PRAMEF20: variants seen among roughly 807,000 people sequenced by gnomAD.
The protein encoded by PRAMEF20 is PRAME family member 20/21.
Under a neutral mutation model 32.4 loss-of-function variants are expected in PRAMEF20, and 27 were observed. The ratio of observed to expected loss-of-function variants is 0.83; its 90% CI spans 0.61 to 1.15. The LOEUF (loss-of-function observed/expected upper bound fraction) is 1.15, where lower values mean the gene tolerates loss of function less well. PRAMEF20 is among the 50% of genes most tolerant of loss of function. PRAMEF20 has a pLI of 0.00. For synonymous variants in PRAMEF20, 256 were observed against 235.4 expected, an observed-to-expected ratio of 1.09 and a Z score of -0.80; for missense variants, 604 against 584.5, an observed-to-expected ratio of 1.03 and a Z score of -0.34.
At chr1:13,420,579 C>A in intron 2 of PRAMEF20, 118 bp from the exon 4 acceptor site, 1 of 1,375,212 alleles carries the variant, frequency 7.3e-7, no homozygotes, top group Non-Finnish European at 1.0e-6. Context: ...ATCAGACAAT[C>A]AGAATGACCC....
chr1:13,414,069 T>C (rs1350922114), upstream of PRAMEF20, among the ~76,000 whole-genome samples: 6 of 152,024 alleles, frequency 3.9e-5, no homozygotes, highest in Non-Finnish European at 7.4e-5. Flanking sequence ...TGAGAAGGAC[T>C]CTCATTCTGT....
chr1:13,411,160 C>G, the PRAMEF20 span, among the ~76,000 whole-genome samples: 14 of 152,200 alleles, frequency 9.2e-5, no homozygotes, highest in Non-Finnish European at 1.2e-4. Flanking sequence ...TCCCCAGCCT[C>G]TACATAAAAT....
chr1:13,414,070 C>A (rs1439187458), upstream of PRAMEF20, among the ~76,000 whole-genome samples: 1 of 151,988 alleles, frequency 6.6e-6, no homozygotes, highest in Non-Finnish European at 1.5e-5. Context: ...GAGAAGGACT[C>A]TCATTCTGTT....
exon 3 of PRAMEF20, chr1:13,421,031 A>G (rs1343016605): frequency 1.1e-5 from 17 of 1,613,950 alleles, no homozygotes; most frequent in Non-Finnish European, 1.4e-5. Context: ...GCTGTGCCAC[A>G]CAATCAGACT....
At chr1:13,415,412 G>T (rs1185364503), upstream of PRAMEF20, among the ~76,000 whole-genome samples, 3 of 152,114 alleles carry the variant, frequency 2.0e-5, no homozygotes, top group African/African-American at 7.2e-5. Flanking sequence ...TGTGTAAGAA[G>T]TGTGTATGGA....
chr1:13,417,593 ACT>A (rs1195866914), intron 1 of PRAMEF20, among the ~76,000 whole-genome samples: 1 of 149,706 alleles, frequency 6.7e-6, no homozygotes, highest in Non-Finnish European at 1.5e-5. Context: ...ACAGAGGGAG[ACT>A]CTGTCTCAAA....
chr1:13,421,090 T>A (rs1378135002), exon 3 of PRAMEF20: 1 of 1,613,792 alleles, frequency 6.2e-7, no homozygotes, highest in Non-Finnish European at 8.5e-7. Flanking sequence ...AGAGTTATGA[T>A]GTTCGTGGTA....
chr1:13,414,635 GT>G (rs1334478162), upstream of PRAMEF20, among the ~76,000 whole-genome samples: 6 of 146,038 alleles, frequency 4.1e-5, no homozygotes, highest in South Asian at 4.4e-4. Flanking sequence ...ATTTTTGTGG[GT>G]TTTTTTTTAG....
exon 3 of PRAMEF20, chr1:13,420,868 A>C: frequency 6.2e-7 from 1 of 1,613,866 alleles, no homozygotes; most frequent in Non-Finnish European, 8.5e-7. Context: ...TCCTAGAAAA[A>C]GTTGCAGCCA....
rs1369574696 is a variant in PRAMEF20, at chr1:13,420,728, ATAAC to A, written c.904_907del (p.Asn302ValfsTer8). 89 of 1,613,840 alleles carry A rather than the reference ATAAC, an allele frequency of 5.5e-5. No individual in the cohort carries two copies. In the Admixed American group the frequency reaches 6.2e-4, roughly 11 times the overall value. ...AAAGACCTCGTTAAACATCCTCGCA[ATAAC>A]TAACTGTGTGCTTTTGGAATCAGAC... On this transcript the variant is annotated frameshift_variant, in exon 3 of 3. Coordinates refer to ENST00000602960, the Ensembl canonical transcript of PRAMEF20. LOFTEE classifies it high-confidence loss of function.
At chr1:13,416,337 C>A, upstream of PRAMEF20, 1 of 1,612,290 alleles carries the variant, frequency 6.2e-7, no homozygotes, top group Non-Finnish European at 8.5e-7. Context: ...TGGAACTTTT[C>A]TTTGCAGATT....
exon 2 of PRAMEF20, chr1:13,418,370 A>C: frequency 6.2e-7 from 1 of 1,613,844 alleles, no homozygotes; most frequent in Non-Finnish European, 8.5e-7. Context: ...GGTTTAGTAC[A>C]CCTGTGCTGT....
intron 1 of PRAMEF20, 78 bp downstream of exon 2, chr1:13,416,719 A>C (rs1641178620): frequency 1.2e-6 from 2 of 1,609,532 alleles, no homozygotes; most frequent in Non-Finnish European, 1.7e-6. Context: ...AGGAGTGAGG[A>C]GGTCCAAGGA....
At chr1:13,412,056 TAATTA>T (rs1457578872), upstream of PRAMEF20, among the ~76,000 whole-genome samples, 19 of 146,558 alleles carry the variant, frequency 1.3e-4, no homozygotes, top group African/African-American at 2.5e-4. Flanking sequence ...TTATTTAATT[TAATTA>T]ATTTATTTAT....
chr1:13,410,811 G>A, the PRAMEF20 span, among the ~76,000 whole-genome samples: 33 of 151,872 alleles, frequency 2.2e-4, no homozygotes, highest in African/African-American at 5.8e-4. Flanking sequence ...TTGAGCCCAC[G>A]GGTTCAAGAC....
the PRAMEF20 span, among the ~76,000 whole-genome samples, chr1:13,410,752 C>G: frequency 6.6e-6 from 1 of 151,530 alleles, no homozygotes; most frequent in Non-Finnish European, 1.5e-5. Flanking sequence ...GGAGTAGTGA[C>G]CCATGCCTAC....
the PRAMEF20 span, among the ~76,000 whole-genome samples, chr1:13,410,947 T>A: frequency 6.6e-6 from 1 of 151,888 alleles, no homozygotes; most frequent in Non-Finnish European, 1.5e-5. Context: ...AACCTCCGCC[T>A]CCCAGGCTCA....
chr1:13,414,037 GT>G (rs1641137596), upstream of PRAMEF20, among the ~76,000 whole-genome samples: 1 of 151,758 alleles, frequency 6.6e-6, no homozygotes, highest in East Asian at 1.9e-4. Context: ...TTGTGTTTTT[GT>G]TTTTTGTTTA....
At position 13,418,169 on chromosome 1, in the gene PRAMEF20, T is replaced by A. The variant is rs1164826941; in HGVS notation, c.335T>A (p.Phe112Tyr). 1.9e-6 allele frequency: 3 copies of A among 1,613,510 alleles called. No homozygotes were observed. In the South Asian group the frequency reaches 3.3e-5, roughly 18 times the overall value. ...GATTTACAGGATGTCAGTGAGAACT[T>A]CTGGATGGTTTGGTCTGAAGCCATG... Residue 112 changes from phenylalanine (F) to tyrosine (Y), a missense_variant, in exon 2 of 3, where the codon TTC becomes TAC. Phe to Tyr is a conservative substitution (Grantham distance 22). Transcript: ENST00000602960.
Sources: gnomAD v4.1 joint callset for allele counts (sites outside exome capture counted in the v4.1 genomes callset) on GRCh38, gnomAD v4.1.1 for gene constraint, MANE v1.5 for transcripts, NCBI Gene and HGNC (gene_info 2026-07-23, HGNC 2026-07-21) for gene names.